The following SUSD5 variants were observed in gnomAD, a reference collection of about 807,000 sequenced individuals.
The protein encoded by SUSD5 is sushi domain containing 5.
In SUSD5, 33 loss-of-function variants were observed where a neutral mutation model predicts 29.5. That is an observed-to-expected ratio of 1.12 (90% CI 0.85 to 1.49). The LOEUF is 1.49. SUSD5 is among the 40% of genes most tolerant of loss of function. SUSD5 has a pLI of 0.00. For missense variants in SUSD5, 776 were observed against 800.6 expected (o/e 0.97, Z 0.37); for synonymous variants, 308 against 325.3 (o/e 0.95, Z 0.57).
intron 3 of SUSD5, among the ~76,000 whole-genome samples, chr3:33,175,989 G>A (rs2031544773): frequency 6.6e-6 from 1 of 152,134 alleles, no homozygotes; most frequent in Non-Finnish European, 1.5e-5. Context: ...AAAGTCCTCT[G>A]TGCTCTGCTT....
intron 1 of SUSD5, 58 bp downstream of exon 1, chr3:33,218,628 C>T: frequency 8.1e-7 from 1 of 1,237,524 alleles, no homozygotes; most frequent in Non-Finnish European, 1.0e-6. Flanking sequence ...GCGAGCTACG[C>T]CCTCCCTGCC....
intron 3 of SUSD5, 83 bp from the exon 4 acceptor site, chr3:33,175,157 T>G: frequency 7.0e-7 from 1 of 1,431,076 alleles, no homozygotes; most frequent in African/African-American, 1.4e-5. Flanking sequence ...AAAACACAAC[T>G]CTCCCCTGCC....
chr3:33,175,588 C>CAT (rs202048423), intron 3 of SUSD5, among the ~76,000 whole-genome samples: 2 of 151,710 alleles, frequency 1.3e-5, no homozygotes, highest in African/African-American at 2.4e-5. Flanking sequence ...CACACACACA[C>CAT]ATATATATAC....
intron 4 of SUSD5, among the ~76,000 whole-genome samples, chr3:33,174,087 T>TA (rs2031492777): frequency 6.6e-6 from 1 of 152,208 alleles, no homozygotes; most frequent in African/African-American, 2.4e-5. Flanking sequence ...CAGTGTCCAC[T>TA]AGGACTCTTT....
chr3:33,202,389 CA>C (rs757160052), intron 3 of SUSD5, among the ~76,000 whole-genome samples: 56 of 152,148 alleles, frequency 3.7e-4, no homozygotes, highest in Non-Finnish European at 7.2e-4. Context: ...CTCACCAAGA[CA>C]GGGGAGCATC....
At chr3:33,186,813 A>C (rs1042522440) in intron 3 of SUSD5, among the ~76,000 whole-genome samples, 2 of 152,186 alleles carry the variant, frequency 1.3e-5, no homozygotes, top group African/African-American at 2.4e-5. Flanking sequence ...TACTTCAGGA[A>C]GACAGCACAG....
intron 4 of SUSD5, among the ~76,000 whole-genome samples, chr3:33,173,875 A>T (rs371935462): frequency 6.6e-6 from 1 of 152,290 alleles, no homozygotes; most frequent in Admixed American, 6.5e-5. Context: ...GGCTGCCCCA[A>T]TCGCCTGCTG....
intron 3 of SUSD5, among the ~76,000 whole-genome samples, chr3:33,205,540 T>C (rs1193996661): frequency 1.3e-5 from 2 of 152,218 alleles, no homozygotes; most frequent in Non-Finnish European, 2.9e-5. Context: ...GGAGTCACTA[T>C]CATGACATTG....
At chr3:33,214,245 C>A in intron 1 of SUSD5, 140 bp from the exon 2 acceptor site, 4 of 695,284 alleles carry the variant, frequency 5.8e-6, no homozygotes, top group Non-Finnish European at 9.1e-6. Context: ...ACATCCACAT[C>A]CCTGGGACCA....
chr3:33,179,934 G>C lies in SUSD5; in HGVS notation c.410-4860C>G, dbSNP rs546766627. On this transcript the variant is annotated intron_variant, in intron 3 of 4. Transcript: ENST00000309558. Reference sequence around the variant, plus strand: ...GTGATGTAGCCATTGTAAAATCATAGAGCAATGTATTATTTATGTGTTTGT... The same window carrying C: ...GTGATGTAGCCATTGTAAAATCATACAGCAATGTATTATTTATGTGTTTGT... 4.6e-5 allele frequency among the ~76,000 whole-genome samples: 7 copies of C among 152,240 alleles called. No homozygotes were observed. In the East Asian group the frequency reaches 1.3e-3, roughly 29 times the overall value.
At chr3:33,176,635 A>G (rs959990600) in intron 3 of SUSD5, among the ~76,000 whole-genome samples, 2 of 152,198 alleles carry the variant, frequency 1.3e-5, no homozygotes, top group African/African-American at 4.8e-5. Flanking sequence ...TATTTCTTTC[A>G]TGCATCATGC....
At chr3:33,165,856 T>C (rs1200291216) in intron 4 of SUSD5, among the ~76,000 whole-genome samples, 4 of 152,152 alleles carry the variant, frequency 2.6e-5, no homozygotes, top group African/African-American at 4.8e-5. Context: ...AACAATATAC[T>C]GTGTGCCCAG....
intron 4 of SUSD5, among the ~76,000 whole-genome samples, chr3:33,154,692 CAA>C (rs1486077212): frequency 1.3e-5 from 2 of 150,604 alleles, no homozygotes; most frequent in African/African-American, 2.4e-5. Flanking sequence ...TTAAAAAAAC[CAA>C]ACACATAGGA....
intron 3 of SUSD5, among the ~76,000 whole-genome samples, chr3:33,201,262 C>G (rs1052230701): frequency 5.3e-5 from 8 of 152,170 alleles, no homozygotes; most frequent in African/African-American, 1.9e-4. Context: ...CAGCCCTAGG[C>G]ACACATGTAT....
intron 4 of SUSD5, among the ~76,000 whole-genome samples, chr3:33,166,048 C>T (rs1336922655): frequency 6.6e-6 from 1 of 151,566 alleles, no homozygotes; most frequent in African/African-American, 2.4e-5. Flanking sequence ...GGAAAACACA[C>T]TGTGTAATAT....
chr3:33,157,086 C>T (rs999128239), intron 4 of SUSD5, among the ~76,000 whole-genome samples: 2 of 152,206 alleles, frequency 1.3e-5, no homozygotes, highest in African/African-American at 4.8e-5. Flanking sequence ...GCTCCCAGGG[C>T]TCAGTCAGGC....
rs761055925 is a variant in SUSD5, at chr3:33,213,880, G to A, written c.290+48C>T. 3.2e-6 allele frequency: 5 copies of A among 1,545,996 alleles called. No individual in the cohort carries two copies. The Admixed American group carries it at 9.2e-5, about 28-fold the overall frequency. On this transcript the variant is annotated intron_variant, in intron 2 of 4. Coordinates refer to ENST00000309558, the MANE Select transcript of SUSD5 (RefSeq NM_015551.2). The stretch of plus-strand genomic sequence containing the variant: ...AATTACTGAGTCCTATATAAGCCTT[G>A]GTGGTGCAACTGGGGTGAGTTGGAA...
At chr3:33,201,749 C>T (rs1371004189) in intron 3 of SUSD5, among the ~76,000 whole-genome samples, 1 of 152,150 alleles carries the variant, frequency 6.6e-6, no homozygotes, top group Non-Finnish European at 1.5e-5. Context: ...ATGTGCTGAC[C>T]CAGCCCACTC....
intron 4 of SUSD5, among the ~76,000 whole-genome samples, chr3:33,158,654 C>T (rs1393744655): frequency 2.0e-5 from 3 of 152,224 alleles, no homozygotes; most frequent in Non-Finnish European, 4.4e-5. Context: ...TTCTGCGGTA[C>T]TGCAGAAGAA....
Sources: gnomAD v4.1 joint callset for allele counts (sites outside exome capture counted in the v4.1 genomes callset) on GRCh38, gnomAD v4.1.1 for gene constraint, MANE v1.5 for transcripts, NCBI Gene and HGNC (gene_info 2026-07-23, HGNC 2026-07-21) for gene names.